The following GPHN variants were observed in gnomAD, a reference collection of about 807,000 sequenced individuals.
GPHN encodes gephyrin.
A neutral mutation model predicts 95.5 loss-of-function variants in GPHN; 17 were observed. The observed-to-expected ratio is 0.18, with a 90% CI of 0.12 to 0.27. GPHN has a LOEUF of 0.27. Ranked by LOEUF, GPHN falls within the 10% of genes least tolerant of loss-of-function variation. The pLI is 1.00. For missense variants in GPHN, 660 were observed against 978.1 expected, an observed-to-expected ratio of 0.67 and a Z score of 4.34; for synonymous variants, 320 against 322.5, an observed-to-expected ratio of 0.99 and a Z score of 0.08.
chr14:66,836,079 T>C (rs1466566531), intron 4 of GPHN, among the ~76,000 whole-genome samples: 4 of 133,458 alleles, frequency 3.0e-5, no homozygotes, highest in Non-Finnish European at 4.6e-5. Flanking sequence ...CTTCACAGAA[T>C]TGGAAAAAAC....
At chr14:67,368,314 T>G in the GPHN span, among the ~76,000 whole-genome samples, 1 of 152,130 alleles carries the variant, frequency 6.6e-6, no homozygotes, top group African/African-American at 2.4e-5. Flanking sequence ...AGGGAGAATT[T>G]TGGCTTGGTG....
chr14:67,234,585 T>C, the GPHN span, among the ~76,000 whole-genome samples: 2 of 152,158 alleles, frequency 1.3e-5, no homozygotes, highest in Non-Finnish European at 2.9e-5. Flanking sequence ...AGTCTCACTC[T>C]GTCCCCCAGG....
At chr14:67,315,642 TTG>T in the GPHN span, among the ~76,000 whole-genome samples, 4 of 152,322 alleles carry the variant, frequency 2.6e-5, no homozygotes, top group Admixed American at 1.3e-4. Flanking sequence ...GAATACAGTC[TTG>T]GCCGTGCACA....
At chr14:66,513,315 A>G (rs948113159) in intron 1 of GPHN, among the ~76,000 whole-genome samples, 2 of 151,786 alleles carry the variant, frequency 1.3e-5, no homozygotes, top group African/African-American at 4.8e-5. Context: ...GCTATACAAT[A>G]AGAGTTTTAA....
At chr14:67,171,527 T>G (rs2082598065) in intron 21 of GPHN, among the ~76,000 whole-genome samples, 1 of 152,306 alleles carries the variant, frequency 6.6e-6, no homozygotes, top group Middle Eastern at 3.4e-3. Flanking sequence ...TCAGCTTTTT[T>G]CGCTAGAAAC....
At chr14:67,573,796 T>G in the GPHN span, 13 of 1,603,448 alleles carry the variant, frequency 8.1e-6, no homozygotes, top group African/African-American at 1.3e-4. This position sits in a 1 kb window ranked among gnomAD's most constrained non-coding sequence, Gnocchi z 4.8. Flanking sequence ...ATACTTTCTT[T>G]ACAGAGTGAT....
chr14:67,150,320 A>G (rs1036562606), intron 18 of GPHN, among the ~76,000 whole-genome samples: 7 of 150,198 alleles, frequency 4.7e-5, no homozygotes, highest in South Asian at 2.1e-4. Flanking sequence ...GGGCGCCTGT[A>G]GTCCTAGCTA....
chr14:67,666,917 A>C, the GPHN span, among the ~76,000 whole-genome samples: 1 of 152,208 alleles, frequency 6.6e-6, no homozygotes, highest in African/African-American at 2.4e-5. Flanking sequence ...TCTGTTGAAA[A>C]AACAAAAAAC....
chr14:66,582,422 TG>T (rs1566641785), intron 1 of GPHN, among the ~76,000 whole-genome samples: 1 of 152,136 alleles, frequency 6.6e-6, no homozygotes, highest in African/African-American at 2.4e-5. Context: ...TTAGGGTACA[TG>T]TGCACAATGT....
intron 2 of GPHN, among the ~76,000 whole-genome samples, chr14:66,741,026 GAGAGAGGAAGAAATTAA>G (rs758851124): frequency 3.1e-4 from 47 of 152,178 alleles, no homozygotes; most frequent in Non-Finnish European, 5.7e-4. Context: ...GCATGTGTGT[GAGAGAGGAAGAAATTAA>G]ACTTGCAGCT....
chr14:67,278,321 C>T, the GPHN span, among the ~76,000 whole-genome samples: 1 of 151,530 alleles, frequency 6.6e-6, no homozygotes, highest in Non-Finnish European at 1.5e-5. Context: ...CAGGCGTGAG[C>T]CACTGCACCC....
At chr14:67,062,068 A>G (rs2075846968) in intron 11 of GPHN, among the ~76,000 whole-genome samples, 1 of 152,172 alleles carries the variant, frequency 6.6e-6, no homozygotes, top group African/African-American at 2.4e-5. Flanking sequence ...TAAATGCCCT[A>G]ATAAATAACA....
chr14:66,825,461 G>A (rs895144011), intron 4 of GPHN, among the ~76,000 whole-genome samples: 3 of 151,952 alleles, frequency 2.0e-5, no homozygotes. Context: ...GTTTTCAAAC[G>A]TTAGCCTGCA....
chr14:67,653,354 G>A, the GPHN span: 2 of 1,220,124 alleles, frequency 1.6e-6, no homozygotes, highest in Non-Finnish European at 2.4e-6. Context: ...TGCTTTATGA[G>A]GACCTTTGTA....
intron 10 of GPHN, among the ~76,000 whole-genome samples, chr14:67,048,391 G>C (rs923699060): frequency 6.6e-6 from 1 of 152,194 alleles, no homozygotes; most frequent in Non-Finnish European, 1.5e-5. Context: ...ACTGGAAAAT[G>C]TAAGAGACAA....
chr14:67,473,328 C>T, the GPHN span: 1 of 1,527,236 alleles, frequency 6.5e-7, no homozygotes, highest in Non-Finnish European at 8.9e-7. The surrounding 1 kb of genome is among the most constrained non-coding windows in gnomAD (Gnocchi z 6.5). Flanking sequence ...CGGAGCAGGG[C>T]TTTTGCTGCA....
Position 66,815,601 on chromosome 14 carries a change from C to T in GPHN, c.202-8873C>T, listed in dbSNP as rs75215942. Among the ~76,000 whole-genome samples the T allele has an allele frequency of 3.4e-3, 521 of 152,188 alleles. 3 individuals carry two copies. Among genetic ancestry groups the T allele is most frequent in the Middle Eastern group, 6.8e-3 (2 of 294 alleles). ...AAGGAGAAACAAGATCCTTTTCAGA[C>T]GAGCAAATGCTAAGGAAATTTATTA... is the stretch of plus-strand genomic sequence containing the variant. On this transcript the variant is annotated intron_variant, in intron 3 of 22. Coordinates refer to ENST00000478722, the MANE Select transcript of GPHN (RefSeq NM_020806.5).
intron 4 of GPHN, among the ~76,000 whole-genome samples, chr14:66,874,863 A>G (rs997925102): frequency 6.6e-6 from 1 of 152,218 alleles, no homozygotes; most frequent in African/African-American, 2.4e-5. Context: ...AACTTCCCCA[A>G]CGTAGCAAGA....
At chr14:66,778,889 C>G (rs2059498330) in intron 3 of GPHN, among the ~76,000 whole-genome samples, 1 of 151,542 alleles carries the variant, frequency 6.6e-6, no homozygotes, top group African/African-American at 2.4e-5. Flanking sequence ...GCACATGACA[C>G]CACACCCAGC....
Sources: gnomAD v4.1 joint callset for allele counts (sites outside exome capture counted in the v4.1 genomes callset) on GRCh38, gnomAD v4.1.1 for gene constraint, Gnocchi (gnomAD v3.1) non-coding constraint, MANE v1.5 for transcripts, NCBI Gene and HGNC (gene_info 2026-07-23, HGNC 2026-07-21) for gene names.